Variants in CELA3B observed in about 807,000 individuals in gnomAD.
CELA3B encodes chymotrypsin like elastase 3B.
Under a neutral mutation model 37.2 loss-of-function variants are expected in CELA3B, and 34 were observed. That is an observed-to-expected ratio of 0.91 (90% CI 0.70 to 1.22). CELA3B has a LOEUF of 1.22. Ranked by LOEUF, CELA3B falls within the 50% of genes most tolerant of loss-of-function variation. The pLI, the probability that CELA3B is intolerant of heterozygous loss-of-function variation, is 0.00. For missense variants in CELA3B, 340 were observed against 363.1 expected (o/e 0.94, Z 0.52); for synonymous variants, 127 against 143.5 (o/e 0.89, Z 0.82).
downstream of CELA3B, among the ~76,000 whole-genome samples, chr1:21,993,461 CAAAAAAAAAAAA>C (rs58752734): frequency 1.2e-5 from 1 of 81,660 alleles, no homozygotes; most frequent in Admixed American, 1.0e-4. Flanking sequence ...ACCTCCTCTC[CAAAAAAAAAAAA>C]AAAAAAGAAG....
chr1:21,997,107 C>G (rs147852623), intron 4 of CELA3B, among the ~76,000 whole-genome samples: 1 of 151,170 alleles, frequency 6.6e-6, no homozygotes, highest in Non-Finnish European at 1.5e-5. Flanking sequence ...CGCCTGTAAT[C>G]CTGGCATTTT....
At chr1:21,983,216 G>A (rs6426734) in intron 4 of CELA3B, among the ~76,000 whole-genome samples, 137,356 of 151,910 alleles carry the variant, frequency 0.9, 62,900 homozygotes, top group Non-Finnish European at 0.98. Context: ...TTAGCCAAGC[G>A]TGGTGGCATG....
chr1:21,996,096 C>A (rs1000898902), intron 4 of CELA3B, among the ~76,000 whole-genome samples: 2 of 151,198 alleles, frequency 1.3e-5, no homozygotes, highest in Non-Finnish European at 1.5e-5. Context: ...GCCTGTAGTT[C>A]CAGCTACTGG....
At chr1:21,996,910 A>G (rs1036488672) in intron 4 of CELA3B, among the ~76,000 whole-genome samples, 1 of 151,338 alleles carries the variant, frequency 6.6e-6, no homozygotes, top group African/African-American at 2.4e-5. Context: ...CTGCTGACCC[A>G]TCTGAGACAG....
chr1:21,987,965 C>T (rs1644849225), intron 7 of CELA3B: 1 of 150,198 alleles, frequency 6.7e-6, no homozygotes. Context: ...AATCCCAGCA[C>T]TCTGGGAGGC....
At position 21,980,859 on chromosome 1, in the gene CELA3B, C is replaced by T; in HGVS notation, c.165C>T (p.Tyr55=). Residue 55 remains tyrosine (Y), a synonymous_variant, in exon 3 of 8, where the codon TAC becomes TAT. Coordinates refer to ENST00000337107, the MANE Select transcript of CELA3B (RefSeq NM_007352.4). ...SLQYEKSGSF[Y]HTCGGSLIAP... is the part of the protein sequence containing the mutation. ...AGTATGAGAAAAGCGGAAGCTTCTACCACACCTGTGGCGGTAGCCTCATCG... is the reference window on the plus strand; with the variant it reads ...AGTATGAGAAAAGCGGAAGCTTCTATCACACCTGTGGCGGTAGCCTCATCG... The T allele has an allele frequency of 6.2e-7, 1 of 1,608,706 alleles. No individual in the cohort carries two copies. Among genetic ancestry groups the T allele is most frequent in the Non-Finnish European group, 8.5e-7 (1 of 1,177,182 alleles).
chr1:21,994,999 T>C (rs1431639108), intron 4 of CELA3B, among the ~76,000 whole-genome samples: 9 of 26,910 alleles, frequency 3.3e-4, no homozygotes, highest in African/African-American at 2.0e-3. Context: ...GAGACTTGTC[T>C]CAAAAAAAAA....
At chr1:21,994,133 C>T (rs1298249685), downstream of CELA3B, among the ~76,000 whole-genome samples, 5 of 151,480 alleles carry the variant, frequency 3.3e-5, no homozygotes, top group African/African-American at 1.2e-4. Context: ...AGAGAAGCTC[C>T]AGTCCTTAGA....
At chr1:21,981,004 G>C in intron 3 of CELA3B, 34 bp from the exon 4 acceptor site, 1 of 1,614,160 alleles carries the variant, frequency 6.2e-7, no homozygotes, top group Non-Finnish European at 8.5e-7. Flanking sequence ...GAGGTAGCCA[G>C]TCAGGCCCAG....
downstream of CELA3B, among the ~76,000 whole-genome samples, chr1:21,993,462 A>C (rs1292461307): frequency 1.7e-5 from 1 of 60,424 alleles, no homozygotes; most frequent in Non-Finnish European, 2.8e-5. Flanking sequence ...CCTCCTCTCC[A>C]AAAAAAAAAA....
chr1:21,977,141 A>G (rs1644777176), intron 1 of CELA3B, 59 bp downstream of exon 1: 1 of 1,610,212 alleles, frequency 6.2e-7, no homozygotes. Context: ...AATCCTTGAA[A>G]TCTACCACTT....
chr1:21,989,838 T>C (rs1393105293), downstream of CELA3B, among the ~76,000 whole-genome samples: 1 of 150,806 alleles, frequency 6.6e-6, no homozygotes, highest in Non-Finnish European at 1.5e-5. Context: ...TAAGGAGACA[T>C]GGTTCCTGCC....
Position 21,997,438 on chromosome 1 carries a change from C to T in CELA3B, c.505-713C>T, listed in dbSNP as rs1011050004. ...GCGTGGTGGCTCACGACTGTAATCC[C>T]ACACTTTGGGAGGCCAAGGTGGGTG... On this transcript the variant is annotated intron_variant, in intron 4 of 4. Transcript: ENST00000400277. 1.6e-4 allele frequency among the ~76,000 whole-genome samples: 24 copies of T among 150,292 alleles called. 1 individual carries two copies. Among genetic ancestry groups the T allele is most frequent in the Non-Finnish European group, 3.2e-4 (22 of 67,754 alleles).
At chr1:21,984,590 C>T (rs372494754) in intron 6 of CELA3B, among the ~76,000 whole-genome samples, 2,523 of 152,248 alleles carry the variant, frequency 0.017, 31 homozygotes, top group Middle Eastern at 0.068. Context: ...CAGGCTTCCG[C>T]ATCAGCACAG....
chr1:21,977,964 C>A (rs1644781733), intron 1 of CELA3B: 1 of 350,592 alleles, frequency 2.9e-6, no homozygotes, highest in South Asian at 2.1e-5. Flanking sequence ...CCGCCTCGGC[C>A]TCTCAAAGCA....
chr1:21,988,215 A>C (rs1209913539), intron 7 of CELA3B, among the ~76,000 whole-genome samples: 1 of 144,550 alleles, frequency 6.9e-6, no homozygotes, highest in Non-Finnish European at 1.5e-5. Context: ...CCATCTCAAA[A>C]ACAAAAACAA....
At chr1:21,981,210 C>G in intron 4 of CELA3B, 38 bp downstream of exon 4, 1 of 1,603,820 alleles carries the variant, frequency 6.2e-7, no homozygotes, top group African/African-American at 1.4e-5. Flanking sequence ...AGAGGCTCCT[C>G]TACTCATCCC....
intron 2 of CELA3B, among the ~76,000 whole-genome samples, chr1:21,978,919 C>T (rs1417605565): frequency 1.3e-5 from 2 of 151,660 alleles, no homozygotes; most frequent in East Asian, 4.0e-4. Flanking sequence ...CGGTGGCTCA[C>T]GCCTGTAATC....
downstream of CELA3B, among the ~76,000 whole-genome samples, chr1:21,994,018 A>G (rs1329313838): frequency 3.3e-5 from 5 of 150,766 alleles, no homozygotes; most frequent in Admixed American, 2.0e-4. Context: ...GCTTCAAGAC[A>G]TAAGCTGGAT....
Sources: allele counts gnomAD v4.1 joint callset (sites outside exome capture counted in the v4.1 genomes callset), GRCh38; gene constraint gnomAD v4.1.1; transcripts MANE v1.5; gene names NCBI Gene and HGNC (gene_info 2026-07-23, HGNC 2026-07-21).